Variants in CC2D2B observed in about 807,000 individuals in gnomAD.
CC2D2B encodes coiled-coil and C2 domain containing 2B, also known as protein CC2D2B.
In CC2D2B, 128 loss-of-function variants were observed where a neutral mutation model predicts 161.2. That is an observed-to-expected ratio of 0.79 (90% CI 0.69 to 0.92). The LOEUF (loss-of-function observed/expected upper bound fraction) is 0.92. Ranked by LOEUF, CC2D2B falls within the 40% of genes least tolerant of loss-of-function variation. CC2D2B has a pLI of 0.00. For synonymous variants in CC2D2B, 391 were observed against 449.8 expected, an observed-to-expected ratio of 0.87 and a Z score of 1.65; for missense variants, 1,173 against 1,375.1, an observed-to-expected ratio of 0.85 and a Z score of 2.32.
chr10:96,001,190 A>G (rs1252923453), intron 24 of CC2D2B, among the ~76,000 whole-genome samples: 1 of 152,126 alleles, frequency 6.6e-6, no homozygotes, highest in Non-Finnish European at 1.5e-5. Flanking sequence ...TAGTATTGCT[A>G]TGCTTTACTG....
chr10:96,022,731 A>G (rs1160365617), intron 32 of CC2D2B: 1 of 152,314 alleles, frequency 6.6e-6, no homozygotes, highest in Non-Finnish European at 1.5e-5. Flanking sequence ...GAAAAAAGAC[A>G]TATCTCAGTG....
chr10:96,017,133 A>G (rs1007616181), intron 30 of CC2D2B, among the ~76,000 whole-genome samples: 2 of 152,212 alleles, frequency 1.3e-5, no homozygotes, highest in Non-Finnish European at 2.9e-5. Context: ...ATGTTTCCCT[A>G]TCTGAAATGT....
At chr10:96,022,325 A>C (rs1395548684) in intron 32 of CC2D2B, among the ~76,000 whole-genome samples, 2 of 137,694 alleles carry the variant, frequency 1.5e-5, no homozygotes, top group East Asian at 4.1e-4. Context: ...CTGTCAAAGA[A>C]AAAAAAAAGT....
chr10:95,959,331 C>G (rs1210367563), intron 11 of CC2D2B, among the ~76,000 whole-genome samples: 1 of 152,140 alleles, frequency 6.6e-6, no homozygotes, highest in East Asian at 1.9e-4. Flanking sequence ...ATTATCAGGT[C>G]TACCACAGAC....
At chr10:95,989,300 C>CT (rs760717074) in intron 20 of CC2D2B, among the ~76,000 whole-genome samples, 1 of 152,166 alleles carries the variant, frequency 6.6e-6, no homozygotes, top group Non-Finnish European at 1.5e-5. Flanking sequence ...TTAATGCTTG[C>CT]TTTGCTTTAC....
chr10:96,031,249 C>T (rs531603558), intron 34 of CC2D2B, among the ~76,000 whole-genome samples: 8 of 152,128 alleles, frequency 5.3e-5, no homozygotes, highest in Non-Finnish European at 1.2e-4. Flanking sequence ...CAAGGAAGGA[C>T]AGTGTGCTAC....
chr10:95,924,895 T>C (rs1297887067), intron 5 of CC2D2B, 51 bp downstream of exon 5: 2 of 1,104,066 alleles, frequency 1.8e-6, no homozygotes, highest in Non-Finnish European at 2.7e-6. Flanking sequence ...TATGGAAGTA[T>C]AGTTTACATA....
chr10:95,912,721 G>T (rs926319070), intron 2 of CC2D2B, among the ~76,000 whole-genome samples: 2 of 152,062 alleles, frequency 1.3e-5, no homozygotes, highest in Non-Finnish European at 2.9e-5. Flanking sequence ...TTCTTAAAAG[G>T]TACATGAAGT....
intron 34 of CC2D2B, among the ~76,000 whole-genome samples, chr10:96,028,323 T>C (rs1164460600): frequency 6.6e-6 from 1 of 152,086 alleles, no homozygotes; most frequent in Admixed American, 6.5e-5. Flanking sequence ...AAGACTTGAA[T>C]AGACATTTTT....
intron 26 of CC2D2B, among the ~76,000 whole-genome samples, chr10:96,010,449 C>T (rs1009469489): frequency 6.6e-6 from 1 of 152,082 alleles, no homozygotes; most frequent in Non-Finnish European, 1.5e-5. Context: ...CTTGACATCT[C>T]GACGCCATGC....
rs1564683838 is a variant in CC2D2B at position 96,025,172 on chromosome 10, T to TAAAAAAAAA, written c.3947+262_3947+263insAAAAAAAAA. Among the ~76,000 whole-genome samples, 40 of 17,620 alleles carry TAAAAAAAAA rather than the reference T, an allele frequency of 2.3e-3. 1 individual carries two copies. Among genetic ancestry groups the TAAAAAAAAA allele is most frequent in the East Asian group, 8.2e-3 (4 of 490 alleles). The allele number at this position is 17,620 out of a possible 152,430, so 11.6% of individuals were successfully genotyped here. A position where few individuals can be genotyped will look rare whatever the true frequency, so the allele number is the denominator to read the frequency against. ...AAAAAAAAATATATATATATATATA[T>TAAAAAAAAA]ATATATATATATAAAAAAAAATATA... is the stretch of plus-strand genomic sequence containing the variant. On this transcript the variant is annotated intron_variant, in intron 33 of 34. Coordinates refer to ENST00000646931, the MANE Select transcript of CC2D2B (RefSeq NM_001349008.3).
intron 2 of CC2D2B, among the ~76,000 whole-genome samples, chr10:95,915,472 G>C (rs2098514459): frequency 6.6e-6 from 1 of 152,144 alleles, no homozygotes; most frequent in African/African-American, 2.4e-5. Context: ...AGGCATCCTT[G>C]TCTTGTTCCA....
chr10:96,019,762 G>A lies in CC2D2B; in HGVS notation c.3826G>A (p.Glu1276Lys). ...GGCTGTATTTTTTGACTATTCAAAG[G>A]AAAGTTTCTGGAAGCAGTTGCTTCC... is the stretch of plus-strand genomic sequence containing the variant. ...PMAVFFDYSK[E>K]SFWKQLLPKN... Residue 1276 changes from glutamate (E) to lysine (K), a missense_variant, in exon 32 of 35, where the codon GAA (glutamate) becomes AAA (lysine). By Grantham distance (56) the Glu-to-Lys change is moderately conservative. Transcript: ENST00000646931. 6.2e-7 allele frequency: 1 copy of A among 1,603,560 alleles called. No individual in the cohort carries two copies. Among genetic ancestry groups the A allele is most frequent in the Non-Finnish European group, 8.5e-7 (1 of 1,176,908 alleles).
chr10:95,909,331 A>G (rs1457400895), intron 1 of CC2D2B, among the ~76,000 whole-genome samples: 2 of 152,252 alleles, frequency 1.3e-5, no homozygotes, highest in African/African-American at 4.8e-5. Context: ...CTGGTGCTAT[A>G]TATTTAATAG....
At chr10:96,005,827 A>G (rs2078723543) in intron 25 of CC2D2B, among the ~76,000 whole-genome samples, 1 of 152,222 alleles carries the variant, frequency 6.6e-6, no homozygotes, top group Admixed American at 6.5e-5. Context: ...AAATCCCAGT[A>G]GCCACAGAAA....
rs1167838720 is a variant in CC2D2B, at chr10:95,996,239, A to T, written c.2836A>T (p.Lys946Ter). The T allele has an allele frequency of 6.9e-7, 1 of 1,446,218 alleles. No individual in the cohort carries two copies. The highest frequency in any genetic ancestry group is 1.4e-5 in the African/African-American group (1 of 71,408). 89.6% of individuals were successfully genotyped at this position (1,446,218 alleles called of 1,614,324 possible). A position where few individuals can be genotyped will look rare whatever the true frequency, so the allele number is the denominator to read the frequency against. The change falls in exon 24 of 35, where the codon AAA (lysine) becomes TAA (stop). Residue 946 changes from lysine to a stop codon, truncating the protein, a stop_gained. Coordinates refer to ENST00000646931, the MANE Select transcript of CC2D2B (RefSeq NM_001349008.3). LOFTEE classifies it high-confidence loss of function. ...TCATCCATGCTGGAATGAAGAAATT[A>T]AAGTAGATTTTGTGTAAGTTGGAGT... ...GSHPCWNEEIKVDFVSPGHDY... is the reference protein window; with the variant it reads ...GSHPCWNEEI
chr10:95,909,210 A>G (rs1041547720), intron 1 of CC2D2B, among the ~76,000 whole-genome samples: 17 of 152,260 alleles, frequency 1.1e-4, no homozygotes, highest in African/African-American at 3.9e-4. Flanking sequence ...CATGGAAGTC[A>G]TAATGTTTTT....
chr10:95,972,321 T>C, intron 16 of CC2D2B, 105 bp downstream of exon 16: 2 of 756,104 alleles, frequency 2.6e-6, no homozygotes, highest in Non-Finnish European at 3.6e-6. Flanking sequence ...GTATTTACAA[T>C]ATTCTTTTTT....
intron 2 of CC2D2B, among the ~76,000 whole-genome samples, chr10:95,913,182 G>A (rs931481224): frequency 6.8e-6 from 1 of 146,942 alleles, no homozygotes; most frequent in African/African-American, 2.5e-5. Context: ...TTAATTTTCA[G>A]TTCTCACAAA....
Sources: allele counts gnomAD v4.1 joint callset (sites outside exome capture counted in the v4.1 genomes callset), GRCh38; gene constraint gnomAD v4.1.1; transcripts MANE v1.5; gene names NCBI Gene and HGNC (gene_info 2026-07-23, HGNC 2026-07-21).